The following ANKRD36C variants were observed in gnomAD, a reference collection of about 807,000 sequenced individuals.
The protein encoded by ANKRD36C is ankyrin repeat domain-containing protein 36C.
A neutral mutation model predicts 276.4 loss-of-function variants in ANKRD36C; 61 were observed. That is an observed-to-expected ratio of 0.22 (90% confidence interval 0.18 to 0.27). ANKRD36C has a LOEUF of 0.27. ANKRD36C is among the 10% of genes least tolerant of loss of function. The probability of loss-of-function intolerance (pLI) is 1.00; values close to 1 mark genes in which losing one functional copy is unlikely to be tolerated. For synonymous variants in ANKRD36C, 483 were observed against 680.1 expected, an observed-to-expected ratio of 0.71 and a Z score of 4.51; for missense variants, 1,447 against 2,032.3, an observed-to-expected ratio of 0.71 and a Z score of 5.54.
At chr2:95,852,584 T>C (rs1163205158) in intron 64 of ANKRD36C, 1 of 172,698 alleles carries the variant, frequency 5.8e-6, no homozygotes, top group Admixed American at 5.7e-5. Context: ...ATCAGTTAAA[T>C]ACTCAAACTT....
chr2:95,887,234 C>A (rs1208845821), intron 50 of ANKRD36C, among the ~76,000 whole-genome samples: 1 of 151,626 alleles, frequency 6.6e-6, no homozygotes, highest in African/African-American at 2.4e-5. Flanking sequence ...ATCAACAAAA[C>A]GTGTAAGTCT....
At chr2:95,936,176 A>C (rs1677709967) in intron 22 of ANKRD36C, among the ~76,000 whole-genome samples, 1 of 152,312 alleles carries the variant, frequency 6.6e-6, no homozygotes, top group Non-Finnish European at 1.5e-5. Flanking sequence ...CCAAATACCT[A>C]ATGTGTAATT....
chr2:95,893,451 A>G, intron 44 of ANKRD36C, 82 bp downstream of exon 64: 1 of 1,513,242 alleles, frequency 6.6e-7, no homozygotes, highest in African/African-American at 1.4e-5. Context: ...AGCTTCGACG[A>G]GCCCCCCGCT....
At chr2:95,880,347 T>C (rs1676048911) in intron 58 of ANKRD36C, 80 bp downstream of exon 78, 1 of 1,064,606 alleles carries the variant, frequency 9.4e-7, no homozygotes, top group Admixed American at 2.8e-5. Context: ...AGTGAAATAA[T>C]TGAGAATAGA....
At chr2:95,921,855 T>C (rs1235679785) in intron 32 of ANKRD36C, 45 bp from the exon 33 acceptor site, 1 of 1,559,548 alleles carries the variant, frequency 6.4e-7, no homozygotes, top group East Asian at 2.3e-5. Flanking sequence ...ATATGATACA[T>C]TTTCCATACA....
At chr2:95,862,203 G>A (rs1488647334) in intron 60 of ANKRD36C, among the ~76,000 whole-genome samples, 2 of 151,938 alleles carry the variant, frequency 1.3e-5, no homozygotes, top group South Asian at 2.1e-4. Context: ...GAAAATCAGC[G>A]AGAATAGACT....
chr2:95,884,045 A>G (rs1006790210), intron 54 of ANKRD36C, 128 bp downstream of exon 74: 7 of 1,122,146 alleles, frequency 6.2e-6, no homozygotes, highest in Non-Finnish European at 7.7e-6. Context: ...ACTTATTACA[A>G]ATGAAGAATC....
At position 95,894,777 on chromosome 2, in the gene ANKRD36C, T is replaced by C. The variant is rs377544724; in HGVS notation, c.2756-2917A>G. On this transcript the variant is annotated intron_variant, in intron 44 of 66. Transcript: ENST00000456556. ...ATGAGTCATTGTGTTTTTATGCCAA[T>C]TCAAGAAATGTTTCCTGCTTCCAGA... 4.6e-5 allele frequency among the ~76,000 whole-genome samples: 7 copies of C among 151,480 alleles called. No individual in the cohort carries two copies. The South Asian group carries it at 6.2e-4, about 13-fold the overall frequency.
chr2:95,879,658 A>G, intron 58 of ANKRD36C, among the ~76,000 whole-genome samples: 1 of 152,184 alleles, frequency 6.6e-6, no homozygotes, highest in East Asian at 1.9e-4. Context: ...TTGGCTTAAT[A>G]TAATAAGTGT....
At chr2:95,979,953 G>A (rs2104534179) in intron 5 of ANKRD36C, among the ~76,000 whole-genome samples, 1 of 152,066 alleles carries the variant, frequency 6.6e-6, no homozygotes, top group South Asian at 2.1e-4. Context: ...AACAATGGCT[G>A]AGCATATAAG....
At chr2:95,863,262 A>T (rs1305257310) in intron 60 of ANKRD36C, among the ~76,000 whole-genome samples, 3 of 152,110 alleles carry the variant, frequency 2.0e-5, no homozygotes, top group African/African-American at 2.4e-5. Flanking sequence ...TTCCTTTAAA[A>T]ATGAAAATTA....
At chr2:95,854,670 A>C (rs1156918192) in intron 63 of ANKRD36C, among the ~76,000 whole-genome samples, 1 of 152,228 alleles carries the variant, frequency 6.6e-6, no homozygotes, top group Non-Finnish European at 1.5e-5. Flanking sequence ...CCCATATTAT[A>C]ATAGAAGTAA....
intron 1 of ANKRD36C, among the ~76,000 whole-genome samples, chr2:95,987,989 A>G (rs6740563): frequency 0.32 from 49,119 of 151,800 alleles, 9,271 homozygotes; most frequent in East Asian, 0.48. Flanking sequence ...TATTTATTAC[A>G]TTTATAACTG....
At chr2:95,862,226 T>C (rs999475432) in intron 60 of ANKRD36C, among the ~76,000 whole-genome samples, 1 of 152,002 alleles carries the variant, frequency 6.6e-6, no homozygotes, top group Non-Finnish European at 1.5e-5. Flanking sequence ...AACAACACTA[T>C]GCTTTCCAAG....
chr2:95,853,000 C>T (rs2104238097), intron 64 of ANKRD36C: 1 of 152,308 alleles, frequency 6.6e-6, no homozygotes, highest in East Asian at 1.9e-4. Flanking sequence ...ACTTAACCAA[C>T]CCAAACATCT....
intron 44 of ANKRD36C, chr2:95,894,370 T>A (rs1676471190): frequency 6.6e-6 from 1 of 152,534 alleles, no homozygotes; most frequent in African/African-American, 2.4e-5. Flanking sequence ...AAAAGTTTCT[T>A]CATCCACTCA....
chr2:95,908,351 T>G lies in ANKRD36C; in HGVS notation c.2653+3893A>C, dbSNP rs554978599. On this transcript the variant is annotated intron_variant, in intron 42 of 66. Transcript: ENST00000456556. ...ATCATGTTCCAGACCAGCAGCATCA[T>G]CATCACCCAAGAACTTATTTGAAAT... Among the ~76,000 whole-genome samples the G allele has an allele frequency of 1.0e-3, 157 of 151,096 alleles. 2 individuals are homozygous for G. Among genetic ancestry groups the G allele is most frequent in the African/African-American group, 3.7e-3 (153 of 41,362 alleles).
intron 60 of ANKRD36C, among the ~76,000 whole-genome samples, chr2:95,865,115 A>G (rs1176017330): frequency 6.6e-6 from 1 of 152,098 alleles, no homozygotes; most frequent in African/African-American, 2.4e-5. Context: ...ATCATTTACA[A>G]CTTCATCAAA....
intron 59 of ANKRD36C, among the ~76,000 whole-genome samples, chr2:95,875,424 G>A (rs1411860541): frequency 2.0e-5 from 3 of 149,488 alleles, no homozygotes; most frequent in East Asian, 2.0e-4. Flanking sequence ...GTAAACTATC[G>A]CAAGGACAAA....
Sources: allele counts gnomAD v4.1 joint callset (sites outside exome capture counted in the v4.1 genomes callset), GRCh38; gene constraint gnomAD v4.1.1; transcripts MANE v1.5; gene names NCBI Gene and HGNC (gene_info 2026-07-23, HGNC 2026-07-21).